Variants in FAM186B observed in about 807,000 individuals in gnomAD.
FAM186B encodes family with sequence similarity 186 member B, also known as protein FAM186B.
A neutral mutation model predicts 83.4 loss-of-function variants in FAM186B; 68 were observed. That is an observed-to-expected ratio of 0.81 (90% CI 0.67 to 1.00). The LOEUF is 1.00. Ranked by LOEUF, FAM186B falls within the 50% of genes least tolerant of loss-of-function variation. The pLI is 0.00. For missense variants in FAM186B, 983 were observed against 1,099.2 expected (o/e 0.89, Z 1.49); for synonymous variants, 389 against 422.0 (o/e 0.92, Z 0.96).
intron 3 of FAM186B, among the ~76,000 whole-genome samples, chr12:49,602,755 A>C (rs1386636885): frequency 6.6e-6 from 1 of 152,196 alleles, no homozygotes; most frequent in Non-Finnish European, 1.5e-5. Flanking sequence ...TGGGAGTAAA[A>C]AGCCAAGGTT....
In FAM186B at chr12:49,588,530, T is replaced by C; in HGVS notation, c.2458A>G (p.Ile820Val). ...CKLPAASPRH[I>V]RPSGPTYKQP... ...TTGTAGGTGGGGCCACTGGGGCGGA[T>C]GTGCCGGGGTGAGGCTGCAGGCAAC... is the stretch of plus-strand genomic sequence containing the variant. The change falls in exon 6 of 7, where the codon ATC becomes GTC. Residue 820 changes from isoleucine to valine, a missense_variant. Transcript: ENST00000257894. The C allele has an allele frequency of 6.2e-7, 1 of 1,613,324 alleles. No homozygotes were observed. The highest frequency in any genetic ancestry group is 2.2e-5 in the East Asian group (1 of 44,846).
chr12:49,618,250 C>A, the FAM186B span, among the ~76,000 whole-genome samples: 1 of 151,850 alleles, frequency 6.6e-6, no homozygotes, highest in Admixed American at 6.6e-5. Context: ...GAGGCTAAGG[C>A]AGGAGAATCA....
chr12:49,594,308 T>A (rs549868260), intron 5 of FAM186B: 24 of 187,008 alleles, frequency 1.3e-4, no homozygotes, highest in Middle Eastern at 2.5e-3. Context: ...TGAATTTCCC[T>A]CTTAATGTTT....
intron 5 of FAM186B, among the ~76,000 whole-genome samples, chr12:49,598,147 G>T (rs1049719121): frequency 3.5e-4 from 53 of 152,196 alleles, no homozygotes; most frequent in African/African-American, 1.3e-3. Context: ...TAAGAGTGAG[G>T]ATAGATATTA....
chr12:49,588,459 C>T lies in FAM186B; in HGVS notation c.2529G>A (p.Met843Ile), dbSNP rs148973222. 605 of 1,611,502 alleles carry T rather than the reference C, an allele frequency of 3.8e-4. 1 individual carries two copies. The highest frequency in any genetic ancestry group is 3.4e-4 in the Non-Finnish European group (406 of 1,178,330). Residue 843 changes from methionine (M) to isoleucine (I), a missense_variant, in exon 6 of 7, where the codon ATG becomes ATA. By Grantham distance (10) the Met-to-Ile change is conservative. Transcript: ENST00000257894. ...CTCAGCTTCCCAGAACCTACCGGGC[C>T]ATCTGCAGGGGCACACATGCCCGGT... is the stretch of plus-strand genomic sequence containing the variant. ...SRHRACVPLQ[M>I]ARQQGKQMEA...
At chr12:49,586,534 G>A (rs918718100), downstream of FAM186B, among the ~76,000 whole-genome samples, 3 of 152,170 alleles carry the variant, frequency 2.0e-5, no homozygotes, top group Non-Finnish European at 4.4e-5. Flanking sequence ...GGCAGGGAAG[G>A]GATGCGGAGA....
Position 49,588,594 on chromosome 12 carries a change from GTTCAGGTGAACGTTCCAC to G in FAM186B, c.2376_2393del (p.Glu792_Asn798delinsAsp), listed in dbSNP as rs771367977. On this transcript the variant is annotated inframe_deletion, in exon 6 of 7. Coordinates refer to ENST00000257894, the MANE Select transcript of FAM186B (RefSeq NM_032130.3). ...GCTTTGGCGAGGTGACCTCAGGGAT[GTTCAGGTGAACGTTCCAC>G]TCCAGCTGGAGCTAGAGGAACCAGC... 6.3e-7 allele frequency: 1 copy of G among 1,599,072 alleles called. No individual in the cohort carries two copies. The highest frequency in any genetic ancestry group is 1.1e-5 in the South Asian group (1 of 89,342).
the FAM186B span, among the ~76,000 whole-genome samples, chr12:49,613,399 C>T: frequency 1.1e-4 from 16 of 151,198 alleles, no homozygotes; most frequent in African/African-American, 3.4e-4. Flanking sequence ...TGGTGGTGGG[C>T]GCCTGTAGTC....
At chr12:49,595,687 A>C (rs1460730511) in intron 5 of FAM186B, 1 of 379,354 alleles carries the variant, frequency 2.6e-6, no homozygotes, top group African/African-American at 2.1e-5. Flanking sequence ...GTTCTTAAAG[A>C]CTAGAGCAGC....
chr12:49,585,615 C>G (rs1408196860), downstream of FAM186B, among the ~76,000 whole-genome samples: 2 of 152,142 alleles, frequency 1.3e-5, no homozygotes, highest in African/African-American at 4.8e-5. Context: ...CCAGTGGGCT[C>G]AGAGATGAAC....
chr12:49,603,409 C>T, intron 2 of FAM186B, 42 bp from the exon 3 acceptor site: 1 of 1,604,728 alleles, frequency 6.2e-7, no homozygotes, highest in African/African-American at 1.3e-5. Context: ...GCAGTCTGTC[C>T]TCCAGGGGGA....
the FAM186B span, among the ~76,000 whole-genome samples, chr12:49,622,271 T>C: frequency 1.5e-5 from 2 of 135,786 alleles, no homozygotes; most frequent in African/African-American, 5.5e-5. Context: ...CGCGCCAGTC[T>C]CCTCACCCCA....
intron 3 of FAM186B, 108 bp downstream of exon 3, chr12:49,603,077 T>G: frequency 1.6e-6 from 2 of 1,235,740 alleles, no homozygotes; most frequent in Non-Finnish European, 2.3e-6. Flanking sequence ...ATCAAACTTC[T>G]GTGATGGAGG....
chr12:49,586,586 C>T (rs1310177161), downstream of FAM186B, among the ~76,000 whole-genome samples: 1 of 152,156 alleles, frequency 6.6e-6, no homozygotes, highest in Admixed American at 6.5e-5. Context: ...TAAGTTTAAC[C>T]AAATCTCTGC....
rs781163043 is a variant in FAM186B, at chr12:49,599,517, T to A, written c.2123A>T (p.Gln708Leu). ...GAAGATGTACTTATGGCACAGGTAC[T>A]GCAGCCTGAGCGCGCCCAGCTCCAT... The part of the protein sequence containing the change: ...TTMELGALRL[Q>L]YLCHKYIFYR... The change falls in exon 4 of 7, where the codon CAG (glutamine) becomes CTG (leucine). Residue 708 changes from glutamine (Q) to leucine (L), a missense_variant. Transcript: ENST00000257894. The A allele has an allele frequency of 6.3e-7, 1 of 1,588,746 alleles. No homozygotes were observed. The highest frequency in any genetic ancestry group is 1.2e-5 in the South Asian group (1 of 86,188).
At chr12:49,604,196 T>G (rs1939958266) in intron 2 of FAM186B, 117 bp downstream of exon 2, 2 of 765,268 alleles carry the variant, frequency 2.6e-6, no homozygotes, top group Admixed American at 2.3e-5. Context: ...GGTGATGTGC[T>G]GTGACACGAG....
At chr12:49,587,827 C>G (rs1160923825) in intron 6 of FAM186B, 75 bp from the exon 7 acceptor site, 2 of 1,512,780 alleles carry the variant, frequency 1.3e-6, no homozygotes, top group African/African-American at 2.8e-5. Context: ...CCAGAGCCAT[C>G]AGGCCCAAGT....
chr12:49,584,332 G>A (rs1042801972), downstream of FAM186B: 10 of 592,618 alleles, frequency 1.7e-5, no homozygotes, highest in Admixed American at 5.8e-5. Flanking sequence ...GGGACTGCAG[G>A]AGGGAAGCAG....
Position 49,599,459 on chromosome 12 carries a change from G to T in FAM186B, c.2171+10C>A. On this transcript the variant is annotated intron_variant, in intron 4 of 6. Transcript: ENST00000257894. ...AGGTGGGTGCCAGGTGGGTTCCAGG[G>T]AGGACCTACCGGAGGCTCTGGAGGC... 1.3e-6 allele frequency: 2 copies of T among 1,521,152 alleles called. No homozygotes were observed. The highest frequency in any genetic ancestry group is 1.3e-5 in the South Asian group (1 of 74,292). The allele number at this position is 1,521,152 out of a possible 1,614,324, so 94.2% of individuals were successfully genotyped here. A position where few individuals can be genotyped will look rare whatever the true frequency, so the allele number is the denominator to read the frequency against.
Sources: allele counts gnomAD v4.1 joint callset (sites outside exome capture counted in the v4.1 genomes callset), GRCh38; gene constraint gnomAD v4.1.1; transcripts MANE v1.5; gene names NCBI Gene and HGNC (gene_info 2026-07-23, HGNC 2026-07-21).